Variants in PDZD2 observed in about 807,000 individuals in gnomAD.
PDZD2 encodes the protein PDZ domain-containing protein 2.
PDZD2 carries 90 observed loss-of-function variants against 220.7 expected under a neutral mutation model. The ratio of observed to expected loss-of-function variants is 0.41; its 90% CI spans 0.34 to 0.49. PDZD2 has a LOEUF of 0.49. PDZD2 is among the 20% of genes least tolerant of loss of function. The probability of loss-of-function intolerance (pLI) is 0.28; values close to 1 mark genes in which losing one functional copy is unlikely to be tolerated. For synonymous variants in PDZD2, 1,375 were observed against 1,450.5 expected, an observed-to-expected ratio of 0.95 and a Z score of 1.18; for missense variants, 3,174 against 3,608.5, an observed-to-expected ratio of 0.88 and a Z score of 3.08.
intron 2 of PDZD2, among the ~76,000 whole-genome samples, chr5:31,978,675 G>A (rs7712343): frequency 0.29 from 42,268 of 146,476 alleles, 6,374 homozygotes; most frequent in Middle Eastern, 0.38. Flanking sequence ...AGATTGCACC[G>A]CTGCCCTCTA....
chr5:31,657,137 G>C (rs563389810), intron 1 of PDZD2: 12 of 152,318 alleles, frequency 7.9e-5, no homozygotes, highest in African/African-American at 2.9e-4. Context: ...GCAAAGAAAA[G>C]CACATTGTGT....
intron 10 of PDZD2, 45 bp from the exon 11 acceptor site, chr5:32,057,610 A>T: frequency 8.7e-7 from 1 of 1,146,506 alleles, no homozygotes; most frequent in Non-Finnish European, 1.3e-6. Flanking sequence ...AAATTCCAGG[A>T]AATTAAAGGC....
chr5:31,890,720 C>T (rs564735555), intron 2 of PDZD2, among the ~76,000 whole-genome samples: 3 of 152,190 alleles, frequency 2.0e-5, no homozygotes, highest in South Asian at 4.1e-4. Context: ...TAATGAGTGG[C>T]GAGAGTTGGG....
In PDZD2 at chr5:32,010,369, A is replaced by G. The variant is rs759108461; in HGVS notation, c.1294A>G (p.Ser432Gly). 1 of 1,611,836 alleles carries G rather than the reference A, an allele frequency of 6.2e-7. No individual in the cohort carries two copies. The highest frequency in any genetic ancestry group is 1.1e-5 in the South Asian group (1 of 91,010). ...AEDLLRLTSK[S>G]LPDLTSSVED... ...GGACCTCCTCAGGTTAACATCTAAG[A>G]GCTTGCCAGATCTGACCAGCTCGGT... The change falls in exon 6 of 25, where the codon AGC becomes GGC. Residue 432 changes from serine (S) to glycine (G), a missense_variant. Physicochemically the swap from Ser to Gly is moderately conservative, Grantham distance 56 (BLOSUM62 0). Transcript: ENST00000438447.
At chr5:32,007,397 A>C (rs1022676435) in intron 5 of PDZD2, among the ~76,000 whole-genome samples, 10 of 152,112 alleles carry the variant, frequency 6.6e-5, no homozygotes, top group East Asian at 1.9e-4. Flanking sequence ...AAAAAAAAAA[A>C]AAAACACTCT....
chr5:31,919,027 A>G (rs1490875712), intron 2 of PDZD2, among the ~76,000 whole-genome samples: 30 of 152,180 alleles, frequency 2.0e-4, no homozygotes, highest in Admixed American at 2.0e-3. Context: ...TGTCACTTTC[A>G]ATTACACCAG....
chr5:31,872,797 C>G (rs1158613373), intron 2 of PDZD2, among the ~76,000 whole-genome samples: 2 of 151,980 alleles, frequency 1.3e-5, no homozygotes, highest in Non-Finnish European at 2.9e-5. Context: ...TGTGTGTGTA[C>G]AGTCATGCAC....
chr5:32,008,311 G>A (rs1753015489), intron 5 of PDZD2, among the ~76,000 whole-genome samples: 1 of 139,284 alleles, frequency 7.2e-6, no homozygotes, highest in African/African-American at 2.8e-5. Context: ...CTTTTTTTTG[G>A]AGATGGAGTT....
intron 19 of PDZD2, among the ~76,000 whole-genome samples, chr5:32,079,337 C>A (rs1363662503): frequency 6.6e-6 from 1 of 151,394 alleles, no homozygotes; most frequent in Non-Finnish European, 1.5e-5. Context: ...AGGGGACACT[C>A]TTCTCAGTGG....
At position 32,088,812 on chromosome 5, in the gene PDZD2, G is replaced by C. The variant is rs960632005; in HGVS notation, c.5364G>C (p.Gln1788His). Reference sequence around the variant, plus strand: ...GTCAAGACCTGGATGACTTGCTACAGAAACCAAAAATGATCGCTAGGAGGC... The same window carrying C: ...GTCAAGACCTGGATGACTTGCTACACAAACCAAAAATGATCGCTAGGAGGC... ...SESQDLDDLL[Q>H]KPKMIARRPI... The change falls in exon 20 of 25, where the codon CAG becomes CAC. Residue 1788 changes from glutamine to histidine, a missense_variant. Transcript: ENST00000438447. The surrounding 1 kb of genome is among the most constrained non-coding windows in gnomAD (Gnocchi z 4.6). The C allele has an allele frequency of 6.2e-7, 1 of 1,613,840 alleles. No individual in the cohort carries two copies. The highest frequency in any genetic ancestry group is 1.3e-5 in the African/African-American group (1 of 74,894).
At chr5:31,767,463 C>A (rs1362518594) in intron 1 of PDZD2, among the ~76,000 whole-genome samples, 1 of 152,184 alleles carries the variant, frequency 6.6e-6, no homozygotes, top group Non-Finnish European at 1.5e-5. Flanking sequence ...GAAGGCAGCT[C>A]TTGGAACTGT....
intron 2 of PDZD2, among the ~76,000 whole-genome samples, chr5:31,855,344 A>G (rs1408023873): frequency 6.6e-6 from 1 of 152,182 alleles, no homozygotes; most frequent in Admixed American, 6.5e-5. Context: ...TGTTGTTTTT[A>G]AAGTGGGGGA....
intron 2 of PDZD2, among the ~76,000 whole-genome samples, chr5:31,939,788 T>C (rs986709929): frequency 6.6e-6 from 1 of 152,318 alleles, no homozygotes; most frequent in Middle Eastern, 3.4e-3. Flanking sequence ...CCTTTGGCTA[T>C]GGAAACAAGG....
intron 2 of PDZD2, among the ~76,000 whole-genome samples, chr5:31,948,128 T>A (rs1746818233): frequency 6.6e-6 from 1 of 152,194 alleles, no homozygotes; most frequent in Non-Finnish European, 1.5e-5. Flanking sequence ...TAGAAGTACA[T>A]CACTTCTGAA....
At chr5:31,987,692 G>T (rs578065801) in intron 3 of PDZD2, among the ~76,000 whole-genome samples, 11 of 152,026 alleles carry the variant, frequency 7.2e-5, no homozygotes, top group Admixed American at 6.6e-4. Context: ...TTCCCATACC[G>T]CTGAACCCAC....
Position 31,663,014 on chromosome 5 carries a change from C to G in PDZD2, c.-361+23577C>G, listed in dbSNP as rs1329110133. Among the ~76,000 whole-genome samples the G allele has an allele frequency of 2.6e-5, 4 of 152,174 alleles. No homozygotes were observed. The East Asian group carries it at 7.7e-4, about 29-fold the overall frequency. Reference sequence around the variant, plus strand: ...GGTTGCAGGGTGGGACACGGACATTCAGGCCACGGCACCACCTCTCACATG... The same window carrying G: ...GGTTGCAGGGTGGGACACGGACATTGAGGCCACGGCACCACCTCTCACATG... On this transcript the variant is annotated intron_variant, in intron 1 of 24. Transcript: ENST00000438447.
chr5:31,980,463 G>C (rs1050055764), intron 2 of PDZD2, among the ~76,000 whole-genome samples: 3 of 152,208 alleles, frequency 2.0e-5, no homozygotes, highest in African/African-American at 7.2e-5. Context: ...CAGCTGTCAG[G>C]TGTGATGGAA....
intron 2 of PDZD2, among the ~76,000 whole-genome samples, chr5:31,806,508 C>G (rs570946379): frequency 6.6e-6 from 1 of 152,254 alleles, no homozygotes; most frequent in South Asian, 2.1e-4. Context: ...CAGCTTTGTC[C>G]TGGTGGGAAC....
At chr5:31,792,145 G>A (rs1472736109) in intron 1 of PDZD2, among the ~76,000 whole-genome samples, 1 of 152,188 alleles carries the variant, frequency 6.6e-6, no homozygotes, top group Admixed American at 6.5e-5. Flanking sequence ...ATGAATATCA[G>A]GTAGAGAGCC....
Sources: gnomAD v4.1 joint callset for allele counts (sites outside exome capture counted in the v4.1 genomes callset) on GRCh38, gnomAD v4.1.1 for gene constraint, Gnocchi (gnomAD v3.1) non-coding constraint, MANE v1.5 for transcripts, NCBI Gene and HGNC (gene_info 2026-07-23, HGNC 2026-07-21) for gene names.